Variants in DAG1 observed in about 807,000 individuals in gnomAD.
The protein encoded by DAG1 is dystroglycan 1, also known as dystroglycan 1 (dystrophin-associated glycoprotein 1).
DAG1 carries 8 observed loss-of-function variants against 46.1 expected under a neutral mutation model. The ratio of observed to expected loss-of-function variants is 0.17; its 90% CI spans 0.10 to 0.31. The LOEUF (loss-of-function observed/expected upper bound fraction) is 0.31, where lower values mean the gene tolerates loss of function less well. Ranked by LOEUF, DAG1 falls within the 10% of genes least tolerant of loss-of-function variation. DAG1 has a pLI of 1.00. For missense variants in DAG1, 1,003 were observed against 1,189.9 expected, an observed-to-expected ratio of 0.84 and a Z score of 2.31; for synonymous variants, 495 against 481.8, an observed-to-expected ratio of 1.03 and a Z score of -0.36.
At chr3:49,529,193 A>C (rs1272362372) in intron 2 of DAG1, among the ~76,000 whole-genome samples, 5 of 151,994 alleles carry the variant, frequency 3.3e-5, no homozygotes, top group Admixed American at 6.6e-5. Flanking sequence ...CTCATGGTTA[A>C]AAAAAATTTT....
At chr3:49,490,490 T>G (rs573215743) in intron 1 of DAG1, among the ~76,000 whole-genome samples, 1 of 152,204 alleles carries the variant, frequency 6.6e-6, no homozygotes, top group Admixed American at 6.5e-5. Flanking sequence ...GTCATTCTCT[T>G]TTCTATCTAT....
At chr3:49,498,104 A>G (rs1000678916) in intron 1 of DAG1, among the ~76,000 whole-genome samples, 26 of 151,954 alleles carry the variant, frequency 1.7e-4, no homozygotes, top group African/African-American at 6.0e-4. Flanking sequence ...TCTCCCACGT[A>G]TTTTTACCTT....
rs770605944 is a variant in DAG1, at chr3:49,532,330, A to G, written c.1819A>G (p.Arg607Gly). The G allele has an allele frequency of 1.9e-6, 3 of 1,614,040 alleles. No homozygotes were observed. The highest frequency in any genetic ancestry group is 2.5e-6 in the Non-Finnish European group (3 of 1,180,032). The change falls in exon 3 of 3, where the codon AGG becomes GGG. Residue 607 changes from arginine (R) to glycine (G), a missense_variant. By Grantham distance (125) the Arg-to-Gly change is moderately radical (BLOSUM62 -2). Coordinates refer to ENST00000308775, the MANE Select transcript of DAG1 (RefSeq NM_004393.6). This position sits in a 1 kb window ranked among gnomAD's most constrained non-coding sequence, Gnocchi z 5.4. The part of the protein sequence containing the change: ...RRPQGDRAPA[R>G]FKAKFVGDPA... Reference sequence around the variant, plus strand: ...CCCCCAAGGGGATAGGGCTCCTGCAAGGTTCAAGGCCAAGTTTGTGGGTGA... The same window carrying G: ...CCCCCAAGGGGATAGGGCTCCTGCAGGGTTCAAGGCCAAGTTTGTGGGTGA...
chr3:49,523,597 G>A (rs1228398904), intron 2 of DAG1, among the ~76,000 whole-genome samples: 1 of 152,104 alleles, frequency 6.6e-6, no homozygotes, highest in Non-Finnish European at 1.5e-5. Flanking sequence ...TAGATGCTTT[G>A]AGCTTCTGTT....
intron 2 of DAG1, among the ~76,000 whole-genome samples, chr3:49,517,797 C>T (rs757614052): frequency 2.0e-5 from 3 of 152,146 alleles, no homozygotes; most frequent in Admixed American, 1.3e-4. Flanking sequence ...GGACCTGTTT[C>T]GAAGTAGATG....
chr3:49,502,719 A>G (rs11712569), intron 1 of DAG1, among the ~76,000 whole-genome samples: 43,408 of 149,586 alleles, frequency 0.29, 6,718 homozygotes, highest in Middle Eastern at 0.31. Flanking sequence ...GCTCACTACA[A>G]GCTCCGCCTC....
intron 2 of DAG1, among the ~76,000 whole-genome samples, chr3:49,514,873 T>A (rs531556560): frequency 4.6e-5 from 7 of 151,702 alleles, no homozygotes; most frequent in South Asian, 2.1e-4. Context: ...ATATATATAT[T>A]TTTTGAGATG....
intron 1 of DAG1, among the ~76,000 whole-genome samples, chr3:49,484,983 A>G (rs562703701): frequency 1.6e-4 from 24 of 150,678 alleles, no homozygotes; most frequent in Non-Finnish European, 3.0e-4. Flanking sequence ...TTTTATTGTT[A>G]TTATTTTATT....
Position 49,532,812 on chromosome 3 carries a change from T to C in DAG1, c.2301T>C (p.Ala767=), listed in dbSNP as rs1171382939. 1 of 1,614,108 alleles carries C rather than the reference T, an allele frequency of 6.2e-7. No homozygotes were observed. Among genetic ancestry groups the C allele is most frequent in the Non-Finnish European group, 8.5e-7 (1 of 1,180,028 alleles). Residue 767 remains alanine (A), a synonymous_variant, in exon 3 of 3, where the codon GCT becomes GCC. Coordinates refer to ENST00000308775, the MANE Select transcript of DAG1 (RefSeq NM_004393.6). This position sits in a 1 kb window ranked among gnomAD's most constrained non-coding sequence, Gnocchi z 5.4. ...AVVVAAILLI[A]GIIAMICYRK... is the part of the protein sequence containing the mutation. ...TGGTCGCAGCCATCCTGCTCATTGC[T>C]GGCATCATTGCCATGATCTGCTACC... is the stretch of plus-strand genomic sequence containing the variant.
chr3:49,519,223 G>T (rs1438415631), intron 2 of DAG1, among the ~76,000 whole-genome samples: 1 of 152,202 alleles, frequency 6.6e-6, no homozygotes, highest in Non-Finnish European at 1.5e-5. Flanking sequence ...ACCTCTCCTC[G>T]AAGGTGGTCA....
intron 1 of DAG1, among the ~76,000 whole-genome samples, chr3:49,501,738 C>T (rs976032815): frequency 6.7e-6 from 1 of 149,658 alleles, no homozygotes; most frequent in Admixed American, 6.8e-5. Flanking sequence ...TGCTTGAACC[C>T]GGGAGGCAGA....
At chr3:49,485,843 TA>T (rs1362384355) in intron 1 of DAG1, among the ~76,000 whole-genome samples, 2 of 152,082 alleles carry the variant, frequency 1.3e-5, no homozygotes, top group African/African-American at 4.8e-5. Context: ...TTTCCTTTTG[TA>T]GATACATGGT....
In DAG1 at chr3:49,530,950, C is replaced by G. The variant is rs1382067877; in HGVS notation, c.439C>G (p.Gln147Glu). The G allele has an allele frequency of 6.2e-7, 1 of 1,614,148 alleles. No individual in the cohort carries two copies. The highest frequency in any genetic ancestry group is 2.2e-5 in the East Asian group (1 of 44,886). ...RLGANGSHIPQTSSVFSIEVY... is the reference protein window; with the variant it reads ...RLGANGSHIPETSSVFSIEVY... ...GGGGGCCAACGGGAGCCACATCCCC[C>G]AGACCTCCAGTGTGTTCTCCATCGA... Residue 147 changes from glutamine (Q) to glutamate (E), a missense_variant, in exon 3 of 3, where the codon CAG (glutamine) becomes GAG (glutamate). By Grantham distance (29) the Gln-to-Glu change is conservative. Transcript: ENST00000308775.
In DAG1 at chr3:49,533,734, T is replaced by A. The variant is rs2051435537; in HGVS notation, c.*535T>A. The A allele has an allele frequency of 3.8e-6, 1 of 265,224 alleles. No homozygotes were observed. Among genetic ancestry groups the A allele is most frequent in the Non-Finnish European group, 7.4e-6 (1 of 134,974 alleles). The allele number at this position is 265,224 out of a possible 1,614,324, so 16.4% of individuals were successfully genotyped here. ...TACCTAAACTTGTATGTATAATTTT[T>A]GGGTGGGTATGGGGAATTGCTTTGC... On this transcript the variant is annotated 3_prime_UTR_variant, in exon 3 of 3. Coordinates refer to ENST00000308775, the MANE Select transcript of DAG1 (RefSeq NM_004393.6).
In DAG1 at chr3:49,534,102, T is replaced by G. The variant is rs2051444640; in HGVS notation, c.*903T>G. 1 of 152,230 alleles carries G rather than the reference T, an allele frequency of 6.6e-6. No individual in the cohort carries two copies. Among genetic ancestry groups the G allele is most frequent in the Admixed American group, 6.5e-5 (1 of 15,274 alleles). The allele number at this position is 152,230 out of a possible 1,614,324, so 9.4% of individuals were successfully genotyped here. A position where few individuals can be genotyped will look rare whatever the true frequency, so the allele number is the denominator to read the frequency against. On this transcript the variant is annotated 3_prime_UTR_variant, in exon 3 of 3. Coordinates refer to ENST00000308775, the MANE Select transcript of DAG1 (RefSeq NM_004393.6). ...GGCCCCCAACTTTGGTGCTCCAGGG[T>G]GGGCCAGCTGCTTGTGGGGGCACCT...
intron 1 of DAG1, 163 bp downstream of exon 1, chr3:49,470,596 G>A (rs1352105718): frequency 6.6e-6 from 1 of 152,288 alleles, no homozygotes; most frequent in Admixed American, 6.5e-5. Context: ...TGCCGCCCGG[G>A]CGGAGCCGCC....
chr3:49,481,721 G>A (rs905605331), intron 1 of DAG1, among the ~76,000 whole-genome samples: 6 of 152,102 alleles, frequency 3.9e-5, no homozygotes, highest in East Asian at 3.9e-4. Context: ...AGGATATGTC[G>A]TATTCAGGGA....
chr3:49,482,779 A>G (rs1214487761), intron 1 of DAG1, among the ~76,000 whole-genome samples: 1 of 152,200 alleles, frequency 6.6e-6, no homozygotes, highest in Non-Finnish European at 1.5e-5. Flanking sequence ...ATTAAAACAA[A>G]GTAGTGGAAT....
In DAG1 at chr3:49,533,091, G is replaced by A. The variant is rs886044253; in HGVS notation, c.2580G>A (p.Ala860=). Reference sequence around the variant, plus strand: ...CCCTGCGGGATGAGGATCCCAATGCGCCTCCCTACCAGCCCCCACCGCCCT... The same window carrying A: ...CCCTGCGGGATGAGGATCCCAATGCACCTCCCTACCAGCCCCCACCGCCCT... ...YTPLRDEDPN[A]PPYQPPPPFT... is the part of the protein sequence containing the mutation. Residue 860 remains alanine (A), a synonymous_variant, in exon 3 of 3, where the codon GCG becomes GCA. Coordinates refer to ENST00000308775, the MANE Select transcript of DAG1 (RefSeq NM_004393.6). 16 of 1,613,986 alleles carry A rather than the reference G, an allele frequency of 9.9e-6. No homozygotes were observed. The highest frequency in any genetic ancestry group is 2.2e-5 in the East Asian group (1 of 44,884).
Sources: gnomAD v4.1 joint callset for allele counts (sites outside exome capture counted in the v4.1 genomes callset) on GRCh38, gnomAD v4.1.1 for gene constraint, Gnocchi (gnomAD v3.1) non-coding constraint, MANE v1.5 for transcripts, NCBI Gene and HGNC (gene_info 2026-07-23, HGNC 2026-07-21) for gene names.